MGAT4D: variants seen among roughly 807,000 people sequenced by gnomAD.
The protein encoded by MGAT4D is MGAT4 family member D, also known as alpha-1,3-mannosyl-glycoprotein 4-beta-N-acetylglucosaminyltransferase-like protein MGAT4D.
MGAT4D carries 34 observed loss-of-function variants against 15.9 expected under a neutral mutation model. The ratio of observed to expected loss-of-function variants is 2.14; its 90% confidence interval spans 1.62 to 2.84. The LOEUF (loss-of-function observed/expected upper bound fraction) is 2.84. MGAT4D is among the 30% of genes most tolerant of loss of function. MGAT4D has a pLI of 0.00. For synonymous variants in MGAT4D, 112 were observed against 48.2 expected, an observed-to-expected ratio of 2.33 and a Z score of -5.49; for missense variants, 327 against 140.2, an observed-to-expected ratio of 2.33 and a Z score of -6.73.
chr4:140,466,003 A>G (rs1054120921), intron 5 of MGAT4D, among the ~76,000 whole-genome samples: 1 of 152,204 alleles, frequency 6.6e-6, no homozygotes, highest in African/African-American at 2.4e-5. Flanking sequence ...CACTTCTTTC[A>G]AAGTCTTTTG....
chr4:140,457,889 C>T (rs1578651445), intron 8 of MGAT4D: 2 of 152,156 alleles, frequency 1.3e-5, no homozygotes, highest in South Asian at 2.1e-4. Context: ...GAGGAAAAAC[C>T]TTTGGGCCCT....
At chr4:140,458,437 G>C (rs1395110747) in intron 8 of MGAT4D, 1 of 152,222 alleles carries the variant, frequency 6.6e-6, no homozygotes, top group African/African-American at 2.4e-5. Context: ...ACAGATGAAA[G>C]CACAGACAGT....
chr4:140,443,856 AAT>A (rs1325667645), intron 10 of MGAT4D, among the ~76,000 whole-genome samples: 2 of 152,142 alleles, frequency 1.3e-5, no homozygotes, highest in African/African-American at 4.8e-5. Flanking sequence ...CTTTAATAAT[AAT>A]ATATGAGAGA....
chr4:140,467,639 A>G (rs968478959), intron 5 of MGAT4D, among the ~76,000 whole-genome samples: 2 of 152,142 alleles, frequency 1.3e-5, no homozygotes, highest in Non-Finnish European at 2.9e-5. Flanking sequence ...AAACTTTTAT[A>G]GCTTGTTAGG....
chr4:140,461,805 A>G, intron 7 of MGAT4D, 124 bp downstream of exon 7: 1 of 434,298 alleles, frequency 2.3e-6, no homozygotes. Flanking sequence ...AATGAGGAAG[A>G]AGAAATTATA....
At chr4:140,492,863 T>C (rs1324772679) in intron 1 of MGAT4D, among the ~76,000 whole-genome samples, 1 of 152,116 alleles carries the variant, frequency 6.6e-6, no homozygotes, top group African/African-American at 2.4e-5. Flanking sequence ...ACATAATAAG[T>C]CTTCATTGTC....
At chr4:140,471,233 T>A (rs1731927468) in intron 5 of MGAT4D, among the ~76,000 whole-genome samples, 2 of 89,388 alleles carry the variant, frequency 2.2e-5, no homozygotes, top group Non-Finnish European at 2.1e-5. Flanking sequence ...TTTGTTTCCT[T>A]CCTTCCTTCC....
intron 9 of MGAT4D, among the ~76,000 whole-genome samples, chr4:140,453,152 G>A (rs2126686655): frequency 6.6e-6 from 1 of 152,140 alleles, no homozygotes; most frequent in East Asian, 1.9e-4. Flanking sequence ...GATTACTGTA[G>A]CTTTGTAGTA....
At chr4:140,467,855 C>G (rs560631499) in intron 5 of MGAT4D, among the ~76,000 whole-genome samples, 2 of 151,894 alleles carry the variant, frequency 1.3e-5, no homozygotes, top group African/African-American at 4.8e-5. Context: ...AGGTTATATA[C>G]AAACATAGAT....
chr4:140,456,244 G>C (rs1231500483), intron 9 of MGAT4D, among the ~76,000 whole-genome samples: 1 of 152,028 alleles, frequency 6.6e-6, no homozygotes, highest in African/African-American at 2.4e-5. Flanking sequence ...ACTGAGTATT[G>C]ACTTCAGTAG....
chr4:140,492,695 T>C (rs886977876), intron 1 of MGAT4D, among the ~76,000 whole-genome samples: 3 of 152,206 alleles, frequency 2.0e-5, no homozygotes, highest in Non-Finnish European at 4.4e-5. Context: ...TTTTCTCATT[T>C]GCCATTCCAT....
rs1221825732 is a variant in MGAT4D, at chr4:140,443,433, T to G, written c.*3A>C. The G allele has an allele frequency of 1.8e-6, 1 of 545,128 alleles. No homozygotes were observed. The highest frequency in any genetic ancestry group is 3.0e-5 in the Admixed American group (1 of 33,834). The allele number at this position is 545,128 out of a possible 1,614,324, so 33.8% of individuals were successfully genotyped here. ...GTATTACAGAGTTTCTTCTTATTTA[T>G]CTTCATATTTTCTGAAATGAAAACA... On this transcript the variant is annotated 3_prime_UTR_variant, in exon 11 of 11. Transcript: ENST00000511113.
At chr4:140,480,669 A>C (rs947624060) in intron 2 of MGAT4D, among the ~76,000 whole-genome samples, 1 of 151,652 alleles carries the variant, frequency 6.6e-6, no homozygotes, top group Non-Finnish European at 1.5e-5. Context: ...CAGTTAAAGA[A>C]ACTGGCAAAA....
At chr4:140,482,527 G>C in intron 1 of MGAT4D, 42 bp from the exon 2 acceptor site, 1 of 556,730 alleles carries the variant, frequency 1.8e-6, no homozygotes, top group Non-Finnish European at 3.1e-6. Context: ...ATGTAGCAAT[G>C]GTGTCACACA....
intron 10 of MGAT4D, among the ~76,000 whole-genome samples, chr4:140,447,875 AG>A (rs1487521824): frequency 1.3e-5 from 2 of 152,162 alleles, no homozygotes; most frequent in Admixed American, 1.3e-4. Flanking sequence ...TGCTCCTTTC[AG>A]GAGGTTTTGT....
At position 140,470,971 on chromosome 4, in the gene MGAT4D, ACCT is replaced by A. The variant is rs1345488237; in HGVS notation, c.572+801_572+803del. 1.6e-4 allele frequency among the ~76,000 whole-genome samples: 24 copies of A among 147,146 alleles called. No individual in the cohort carries two copies. The East Asian group carries it at 4.8e-3, about 29-fold the overall frequency. Reference sequence around the variant, plus strand: ...ATGATCTTGGCTCACTAAAGCCTCCACCTCCCAGGCACTGGCAATCCTTCCACT... The same window carrying A: ...ATGATCTTGGCTCACTAAAGCCTCCACCCAGGCACTGGCAATCCTTCCACT... On this transcript the variant is annotated intron_variant, in intron 5 of 10. Transcript: ENST00000511113.
chr4:140,480,594 A>G (rs900404929), intron 2 of MGAT4D, among the ~76,000 whole-genome samples: 9 of 152,188 alleles, frequency 5.9e-5, no homozygotes, highest in African/African-American at 2.2e-4. Flanking sequence ...TCACATATCC[A>G]TCTGATATGT....
At chr4:140,471,303 G>A (rs887341010) in intron 5 of MGAT4D, among the ~76,000 whole-genome samples, 12 of 98,738 alleles carry the variant, frequency 1.2e-4, no homozygotes, top group Admixed American at 5.6e-4. Context: ...TTTTCTTTTC[G>A]TTTCTTTTTC....
At chr4:140,467,541 G>A (rs1457609944) in intron 5 of MGAT4D, among the ~76,000 whole-genome samples, 1 of 152,088 alleles carries the variant, frequency 6.6e-6, no homozygotes, top group African/African-American at 2.4e-5. Flanking sequence ...TCATGTTGGA[G>A]AGAAAGATTC....
Sources: gnomAD v4.1 joint callset for allele counts (sites outside exome capture counted in the v4.1 genomes callset) on GRCh38, gnomAD v4.1.1 for gene constraint, MANE v1.5 for transcripts, NCBI Gene and HGNC (gene_info 2026-07-23, HGNC 2026-07-21) for gene names.